SBF2: variants seen among roughly 807,000 people sequenced by gnomAD.
SBF2 encodes myotubularin-related protein 13.
In SBF2, 112 loss-of-function variants were observed where a neutral mutation model predicts 225.2. The ratio of observed to expected loss-of-function variants is 0.50; its 90% CI spans 0.43 to 0.58. SBF2 has a LOEUF of 0.58. Among genes scored for constraint, SBF2 ranks in the 20% least tolerant of loss-of-function variants. SBF2 has a pLI of 0.00. For missense variants in SBF2, 1,996 were observed against 2,206.2 expected (o/e 0.90, Z 1.91); for synonymous variants, 763 against 773.3 (o/e 0.99, Z 0.22).
At chr11:10,299,337 CA>C (rs5789634) in intron 1 of SBF2, among the ~76,000 whole-genome samples, 126 of 63,158 alleles carry the variant, frequency 2.0e-3, no homozygotes, top group Middle Eastern at 0.02. Flanking sequence ...GAGTCCATCT[CA>C]AAAAAAAAAA....
chr11:10,010,696 G>C (rs1948413512), intron 6 of SBF2, among the ~76,000 whole-genome samples: 1 of 152,058 alleles, frequency 6.6e-6, no homozygotes, highest in Non-Finnish European at 1.5e-5. Flanking sequence ...TGTTCTTTTT[G>C]CTTAGGACTG....
intron 32 of SBF2, among the ~76,000 whole-genome samples, chr11:9,799,451 T>A (rs2133879830): frequency 6.6e-6 from 1 of 151,576 alleles, no homozygotes; most frequent in African/African-American, 2.4e-5. Context: ...AAAACAAACC[T>A]CCCCCAAACT....
intron 20 of SBF2, 34 bp from the exon 21 acceptor site, chr11:9,852,783 C>A (rs1205498697): frequency 1.4e-6 from 2 of 1,454,034 alleles, no homozygotes; most frequent in Non-Finnish European, 1.9e-6. Flanking sequence ...AATGAAAGAA[C>A]ACAGACAAGC....
intron 6 of SBF2, among the ~76,000 whole-genome samples, chr11:10,011,246 A>G (rs956842973): frequency 1.3e-5 from 2 of 151,826 alleles, no homozygotes; most frequent in Non-Finnish European, 2.9e-5. Flanking sequence ...TGTTTTTTTG[A>G]GACATAGTCT....
intron 1 of SBF2, among the ~76,000 whole-genome samples, chr11:10,235,208 C>T (rs1490302939): frequency 6.6e-6 from 1 of 152,042 alleles, no homozygotes; most frequent in South Asian, 2.1e-4. Flanking sequence ...ATTATACTTC[C>T]TTTTTTAAGT....
chr11:9,844,807 A>G (rs1471821498), intron 24 of SBF2, among the ~76,000 whole-genome samples: 1 of 152,204 alleles, frequency 6.6e-6, no homozygotes, highest in Non-Finnish European at 1.5e-5. Context: ...TTTAAAACCT[A>G]GATGATGGAT....
In SBF2 at chr11:9,963,657, G is replaced by A. The variant is rs573486064; in HGVS notation, c.1710+116C>T. Reference sequence around the variant, plus strand: ...ATTTAAAATGATCCAAACAATGAGAGGATACTTTATTAGGAAAAGGGATAG... The same window carrying A: ...ATTTAAAATGATCCAAACAATGAGAAGATACTTTATTAGGAAAAGGGATAG... On this transcript the variant is annotated intron_variant, in intron 15 of 39. Transcript: ENST00000256190. 4.6e-6 allele frequency: 3 copies of A among 655,768 alleles called. No individual in the cohort carries two copies. The African/African-American group carries it at 5.5e-5, about 12-fold the overall frequency. 40.6% of individuals were successfully genotyped at this position (655,768 alleles called of 1,614,324 possible).
chr11:10,050,210 C>T (rs1950011481), intron 2 of SBF2, among the ~76,000 whole-genome samples: 1 of 152,128 alleles, frequency 6.6e-6, no homozygotes, highest in South Asian at 2.1e-4. Context: ...TAAGGACAAA[C>T]AAAATCCCTT....
chr11:10,258,251 T>C (rs1417856917), intron 1 of SBF2, among the ~76,000 whole-genome samples: 1 of 152,046 alleles, frequency 6.6e-6, no homozygotes, highest in African/African-American at 2.4e-5. Context: ...ACTATAGGTA[T>C]GCACTACCAC....
intron 6 of SBF2, among the ~76,000 whole-genome samples, chr11:10,015,277 T>G (rs1442951207): frequency 6.6e-6 from 1 of 152,234 alleles, no homozygotes; most frequent in Non-Finnish European, 1.5e-5. Context: ...AGTTATTTCT[T>G]GTGAGTCAAA....
At chr11:9,918,218 C>T (rs1471831672) in intron 16 of SBF2, among the ~76,000 whole-genome samples, 2 of 152,184 alleles carry the variant, frequency 1.3e-5, no homozygotes, top group African/African-American at 2.4e-5. Context: ...CTCACCATGG[C>T]TATAACCTTT....
At chr11:10,268,086 T>C (rs1191726653) in intron 1 of SBF2, among the ~76,000 whole-genome samples, 1 of 152,210 alleles carries the variant, frequency 6.6e-6, no homozygotes, top group Non-Finnish European at 1.5e-5. Flanking sequence ...TAAAATTCAC[T>C]CCAGTCCCAA....
At chr11:10,124,844 C>A (rs895219711) in intron 2 of SBF2, among the ~76,000 whole-genome samples, 1 of 152,144 alleles carries the variant, frequency 6.6e-6, no homozygotes, top group African/African-American at 2.4e-5. Context: ...GTGGTTCACG[C>A]CTGTAATCTC....
intron 2 of SBF2, among the ~76,000 whole-genome samples, chr11:10,069,672 C>T (rs1007059422): frequency 1.3e-5 from 2 of 152,132 alleles, no homozygotes; most frequent in Non-Finnish European, 2.9e-5. Context: ...TGGGTATATA[C>T]CCAGTAATGG....
At chr11:10,273,228 C>A (rs1228265105) in intron 1 of SBF2, among the ~76,000 whole-genome samples, 1 of 152,096 alleles carries the variant, frequency 6.6e-6, no homozygotes, top group Non-Finnish European at 1.5e-5. Flanking sequence ...ACCCATTGTA[C>A]AAAAGGGAGT....
At chr11:10,015,342 A>G (rs1330862877) in intron 6 of SBF2, among the ~76,000 whole-genome samples, 1 of 152,186 alleles carries the variant, frequency 6.6e-6, no homozygotes, top group Non-Finnish European at 1.5e-5. Context: ...TTAGTTTTCT[A>G]TGGTTGCTAT....
intron 16 of SBF2, among the ~76,000 whole-genome samples, chr11:9,955,595 T>C (rs1314171135): frequency 6.6e-6 from 1 of 152,078 alleles, no homozygotes; most frequent in Admixed American, 6.5e-5. Context: ...TAAAAGTGAA[T>C]CATCCCCTAA....
intron 16 of SBF2, among the ~76,000 whole-genome samples, chr11:9,920,238 A>T (rs1863509256): frequency 6.6e-6 from 1 of 151,458 alleles, no homozygotes; most frequent in South Asian, 2.1e-4. Flanking sequence ...ATATATGTAT[A>T]TCATATATGT....
intron 2 of SBF2, among the ~76,000 whole-genome samples, chr11:10,061,432 T>C (rs1217087369): frequency 6.6e-6 from 1 of 152,144 alleles, no homozygotes; most frequent in Non-Finnish European, 1.5e-5. Flanking sequence ...TGATTCTATA[T>C]CTAGAAAACC....
Sources: gnomAD v4.1 joint callset for allele counts (sites outside exome capture counted in the v4.1 genomes callset) on GRCh38, gnomAD v4.1.1 for gene constraint, MANE v1.5 for transcripts, NCBI Gene and HGNC (gene_info 2026-07-23, HGNC 2026-07-21) for gene names.